SCAPER: variants seen among roughly 807,000 people sequenced by gnomAD.
SCAPER encodes S phase cyclin A-associated protein in the endoplasmic reticulum.
In SCAPER, 98 loss-of-function variants were observed where a neutral mutation model predicts 182.2. The observed-to-expected ratio is 0.54, with a 90% CI of 0.46 to 0.64. SCAPER has a LOEUF of 0.64. Among genes scored for constraint, SCAPER ranks in the 30% least tolerant of loss-of-function variants. The pLI is 0.00. For missense variants in SCAPER, 1,432 were observed against 1,690.0 expected (o/e 0.85, Z 2.68); for synonymous variants, 605 against 564.6 (o/e 1.07, Z -1.01).
intron 20 of SCAPER, among the ~76,000 whole-genome samples, chr15:76,686,302 T>C (rs946323632): frequency 5.3e-5 from 8 of 151,924 alleles, no homozygotes; most frequent in African/African-American, 1.9e-4. Flanking sequence ...ACCTAAAACA[T>C]GAAGAAATGT....
intron 27 of SCAPER, among the ~76,000 whole-genome samples, chr15:76,384,573 C>A (rs1214407110): frequency 2.6e-5 from 4 of 152,056 alleles, no homozygotes; most frequent in Non-Finnish European, 4.4e-5. Context: ...AAATATTATC[C>A]TAATGAAATG....
intron 21 of SCAPER, among the ~76,000 whole-genome samples, chr15:76,660,282 G>A (rs542634955): frequency 6.6e-6 from 1 of 152,030 alleles, no homozygotes; most frequent in Admixed American, 6.6e-5. Flanking sequence ...ACAACCTATT[G>A]GTTACTATGC....
chr15:76,488,198 T>C (rs1229639501), intron 24 of SCAPER, among the ~76,000 whole-genome samples: 1 of 152,200 alleles, frequency 6.6e-6, no homozygotes, highest in Non-Finnish European at 1.5e-5. Context: ...CAAATTCAAA[T>C]TCTAGACTAA....
chr15:76,800,154 T>C lies in SCAPER; in HGVS notation c.611+94A>G. The C allele has an allele frequency of 2.9e-6, 2 of 690,082 alleles. 1 individual carries two copies. Among genetic ancestry groups the C allele is most frequent in the Admixed American group, 5.5e-5 (2 of 36,696 alleles). 42.7% of individuals were successfully genotyped at this position (690,082 alleles called of 1,614,324 possible). On this transcript the variant is annotated intron_variant, in intron 7 of 31. Coordinates refer to ENST00000563290, the MANE Select transcript of SCAPER (RefSeq NM_020843.4). ...GTATTCTGCATAACATATACATGGA[T>C]ATTTTTATAGTAGAATATCAGAATC...
At chr15:76,763,166 C>G (rs899095503) in intron 14 of SCAPER, among the ~76,000 whole-genome samples, 2 of 152,168 alleles carry the variant, frequency 1.3e-5, no homozygotes, top group African/African-American at 4.8e-5. Context: ...CAAACTCCCT[C>G]AATTTTCATG....
At chr15:76,412,967 T>C (rs116132354) in intron 26 of SCAPER, among the ~76,000 whole-genome samples, 2,081 of 152,326 alleles carry the variant, frequency 0.014, 51 homozygotes, top group African/African-American at 0.046. Context: ...TCAGAGGTAT[T>C]TGATATTTTC....
rs540807355 is a variant in SCAPER, at chr15:76,547,919, T to C, written c.2838+26239A>G. On this transcript the variant is annotated intron_variant, in intron 23 of 31. Transcript: ENST00000563290. ...TATTTTTCTGAACTTTTAGAATCAT[T>C]TTGTAATATTCCATGAAAATGTCTA... 5.3e-4 allele frequency among the ~76,000 whole-genome samples: 81 copies of C among 152,298 alleles called. 3 individuals carry two copies. The South Asian group carries it at 0.016, about 31-fold the overall frequency.
intron 25 of SCAPER, among the ~76,000 whole-genome samples, chr15:76,439,985 GCTT>G (rs2047450278): frequency 6.6e-6 from 1 of 152,078 alleles, no homozygotes; most frequent in Non-Finnish European, 1.5e-5. Context: ...TATAATAGCA[GCTT>G]ATTATACAGT....
chr15:76,670,181 T>TAC (rs1456316661), intron 20 of SCAPER, among the ~76,000 whole-genome samples: 1 of 151,750 alleles, frequency 6.6e-6, no homozygotes, highest in East Asian at 1.9e-4. Context: ...TTATACAAAA[T>TAC]ATATATAAAT....
chr15:76,827,670 G>GA (rs573811539), intron 5 of SCAPER, among the ~76,000 whole-genome samples: 94 of 149,690 alleles, frequency 6.3e-4, no homozygotes, highest in African/African-American at 1.7e-3. Context: ...CTTGTGAATG[G>GA]AAAAAAAAAT....
intron 5 of SCAPER, among the ~76,000 whole-genome samples, chr15:76,833,131 G>A (rs1253615300): frequency 6.6e-6 from 1 of 151,974 alleles, no homozygotes; most frequent in Non-Finnish European, 1.5e-5. Flanking sequence ...TACAGAGAAG[G>A]GGCAAGTCAC....
chr15:76,661,583 G>A (rs2056173216), intron 21 of SCAPER, among the ~76,000 whole-genome samples: 1 of 151,922 alleles, frequency 6.6e-6, no homozygotes, highest in East Asian at 1.9e-4. Flanking sequence ...TTAAAAAAAG[G>A]TCAACATCAG....
chr15:76,817,556 G>A (rs1419252787), intron 5 of SCAPER, among the ~76,000 whole-genome samples: 1 of 152,118 alleles, frequency 6.6e-6, no homozygotes, highest in African/African-American at 2.4e-5. Flanking sequence ...TTCACTAAAA[G>A]AGTAGTTTTG....
intron 23 of SCAPER, among the ~76,000 whole-genome samples, chr15:76,527,963 ACT>A (rs1329236770): frequency 2.6e-5 from 4 of 152,016 alleles, no homozygotes; most frequent in African/African-American, 7.2e-5. Context: ...ATAACACTTC[ACT>A]CTGATTTTCC....
rs532050553 is a variant in SCAPER at position 76,572,531 on chromosome 15, C to T, written c.2838+1627G>A. Among the ~76,000 whole-genome samples the T allele has an allele frequency of 6.6e-5, 10 of 152,290 alleles. No individual in the cohort carries two copies. The East Asian group carries it at 1.9e-3, about 29-fold the overall frequency. ...CTCCAGACGACTGTACTGTCTGATG[C>T]CAAAATGTAGTTGAGCACTATCTTG... On this transcript the variant is annotated intron_variant, in intron 23 of 31. Transcript: ENST00000563290.
intron 22 of SCAPER, among the ~76,000 whole-genome samples, chr15:76,607,152 T>A (rs371201304): frequency 6.6e-6 from 1 of 152,210 alleles, no homozygotes; most frequent in Non-Finnish European, 1.5e-5. Flanking sequence ...CAGTGGCTGG[T>A]ACTGGTTGTT....
intron 19 of SCAPER, among the ~76,000 whole-genome samples, chr15:76,702,524 T>C (rs2059013742): frequency 6.6e-6 from 1 of 152,082 alleles, no homozygotes; most frequent in Non-Finnish European, 1.5e-5. Flanking sequence ...CTTGGCTCAC[T>C]GCAACCTCCA....
chr15:76,535,756 A>G (rs2044104786), intron 23 of SCAPER, among the ~76,000 whole-genome samples: 1 of 152,068 alleles, frequency 6.6e-6, no homozygotes, highest in Non-Finnish European at 1.5e-5. Context: ...TATATGGGCT[A>G]AAGGAGTCTT....
intron 29 of SCAPER, among the ~76,000 whole-genome samples, chr15:76,359,747 G>A (rs1008941403): frequency 6.6e-6 from 1 of 152,236 alleles, no homozygotes; most frequent in African/African-American, 2.4e-5. Flanking sequence ...ACATAACTAA[G>A]TATATGTAGC....
Sources: allele counts gnomAD v4.1 joint callset (sites outside exome capture counted in the v4.1 genomes callset), GRCh38; gene constraint gnomAD v4.1.1; transcripts MANE v1.5; gene names NCBI Gene and HGNC (gene_info 2026-07-23, HGNC 2026-07-21).